Variants in DSCAM observed in about 807,000 individuals in gnomAD.
DSCAM encodes the protein DS cell adhesion molecule.
A neutral mutation model predicts 217.7 loss-of-function variants in DSCAM; 47 were observed. That is an observed-to-expected ratio of 0.22 (90% CI 0.17 to 0.28). The LOEUF is 0.28. Among genes scored for constraint, DSCAM ranks in the 10% least tolerant of loss-of-function variants. The probability of loss-of-function intolerance (pLI) is 1.00; values close to 1 mark genes in which losing one functional copy is unlikely to be tolerated. For synonymous variants in DSCAM, 1,056 were observed against 1,015.3 expected (o/e 1.04, Z -0.76); for missense variants, 2,080 against 2,618.3 (o/e 0.79, Z 4.49).
chr21:40,442,969 T>C (rs2075645102), intron 3 of DSCAM, among the ~76,000 whole-genome samples: 1 of 152,336 alleles, frequency 6.6e-6, no homozygotes, highest in African/African-American at 2.4e-5. Flanking sequence ...GCATACAAAA[T>C]AGCAGAGGAG....
At chr21:40,074,371 A>T (rs1447885005) in intron 27 of DSCAM, among the ~76,000 whole-genome samples, 3 of 152,236 alleles carry the variant, frequency 2.0e-5, no homozygotes, top group South Asian at 2.1e-4. Flanking sequence ...CATATTTGAA[A>T]TAACTCCCTG....
intron 10 of DSCAM, among the ~76,000 whole-genome samples, chr21:40,279,469 G>A (rs1346899098): frequency 2.0e-5 from 3 of 152,228 alleles, no homozygotes; most frequent in Non-Finnish European, 4.4e-5. Flanking sequence ...AAAAAGTCAG[G>A]AAACAACAGA....
intron 1 of DSCAM, among the ~76,000 whole-genome samples, chr21:40,732,636 CA>C (rs2091024449): frequency 6.6e-6 from 1 of 152,172 alleles, no homozygotes; most frequent in Non-Finnish European, 1.5e-5. Context: ...GCATGCTTTG[CA>C]AAATAAGTTA....
rs575891754 is a variant in DSCAM, at chr21:40,734,303, T to C, written c.44-25532A>G. Among the ~76,000 whole-genome samples the C allele has an allele frequency of 9.2e-5, 14 of 152,198 alleles. No homozygotes were observed. In the East Asian group the frequency reaches 2.3e-3, roughly 25 times the overall value. On this transcript the variant is annotated intron_variant, in intron 1 of 32. Coordinates refer to ENST00000400454, the MANE Select transcript of DSCAM (RefSeq NM_001389.5). ...CTACAAGAGGAGAGCAGGAGGAAGA[T>C]AAGAAAAGGGGCACGCTGCTTCCTC...
In DSCAM at chr21:40,075,069, C is replaced by T; in HGVS notation, c.4856G>A (p.Arg1619Lys). Residue 1619 changes from arginine (R) to lysine (K), a missense_variant, in exon 27 of 33, where the codon AGG becomes AAG. Physicochemically the swap from Arg to Lys is conservative, Grantham distance 26 (BLOSUM62 2). Transcript: ENST00000400454. ...LFVLLLVVRR[R>K]RREQRLKRLR... ...CCTCTTTAGCCTCTGCTCCCGCCGC[C>T]TCCTCCGCACAACCAGCAGGAGCAC... 6.2e-7 allele frequency: 1 copy of T among 1,614,202 alleles called. No homozygotes were observed. Among genetic ancestry groups the T allele is most frequent in the Non-Finnish European group, 8.5e-7 (1 of 1,180,036 alleles).
At chr21:40,561,170 C>T (rs1160441654) in intron 3 of DSCAM, among the ~76,000 whole-genome samples, 1 of 152,170 alleles carries the variant, frequency 6.6e-6, no homozygotes, top group Non-Finnish European at 1.5e-5. Context: ...AGGAGCCAGG[C>T]TTCATTTCCA....
intron 1 of DSCAM, among the ~76,000 whole-genome samples, chr21:40,795,346 T>C (rs976374541): frequency 6.9e-5 from 9 of 130,070 alleles, no homozygotes; most frequent in Non-Finnish European, 1.4e-4. Context: ...TTACATATAC[T>C]ACCCACAATT....
intron 3 of DSCAM, among the ~76,000 whole-genome samples, chr21:40,610,362 CA>C (rs2089296534): frequency 6.6e-6 from 1 of 152,136 alleles, no homozygotes; most frequent in African/African-American, 2.4e-5. Flanking sequence ...GCAAACTGAG[CA>C]AACTAGAGAA....
chr21:40,064,862 A>G (rs2089182712), intron 27 of DSCAM, among the ~76,000 whole-genome samples: 1 of 152,108 alleles, frequency 6.6e-6, no homozygotes, highest in African/African-American at 2.4e-5. Context: ...ACCTGGGCCA[A>G]AGGGAGAGAG....
intron 1 of DSCAM, among the ~76,000 whole-genome samples, chr21:40,768,732 G>C (rs960375753): frequency 6.6e-6 from 1 of 152,176 alleles, no homozygotes; most frequent in Non-Finnish European, 1.5e-5. Context: ...AGTGCTTCAA[G>C]GTAAAAGCAG....
intron 9 of DSCAM, among the ~76,000 whole-genome samples, chr21:40,310,211 A>G (rs2074122895): frequency 6.6e-6 from 1 of 152,224 alleles, no homozygotes; most frequent in Non-Finnish European, 1.5e-5. Context: ...TTTGGGAAAA[A>G]AGAACAATTC....
intron 3 of DSCAM, among the ~76,000 whole-genome samples, chr21:40,590,068 C>T (rs370832700): frequency 1.9e-4 from 29 of 152,238 alleles, no homozygotes; most frequent in African/African-American, 4.6e-4. Context: ...AGGCAGTTTC[C>T]GTCATTTTGT....
chr21:40,595,292 C>A (rs1406414233), intron 3 of DSCAM, among the ~76,000 whole-genome samples: 4 of 151,856 alleles, frequency 2.6e-5, no homozygotes, highest in Non-Finnish European at 5.9e-5. Context: ...GTGGGAGGAT[C>A]ACTTGCGCCC....
At chr21:40,359,546 A>G (rs11088513) in intron 4 of DSCAM, among the ~76,000 whole-genome samples, 3,157 of 152,348 alleles carry the variant, frequency 0.021, 105 homozygotes, top group African/African-American at 0.073. Flanking sequence ...AGGATTATTC[A>G]TAATCAAAAA....
At chr21:40,039,688 GGAAGTAT>G (rs2088707793) in intron 32 of DSCAM, among the ~76,000 whole-genome samples, 2 of 152,132 alleles carry the variant, frequency 1.3e-5, no homozygotes, top group Non-Finnish European at 2.9e-5. Flanking sequence ...ACCTTGAGAA[GGAAGTAT>G]GAAGATAACT....
intron 20 of DSCAM, among the ~76,000 whole-genome samples, chr21:40,113,718 A>T (rs1473675284): frequency 1.3e-5 from 2 of 152,224 alleles, no homozygotes; most frequent in African/African-American, 4.8e-5. Flanking sequence ...GCAAAGTCTC[A>T]GGATACAAAA....
At chr21:40,668,373 G>A (rs1403431046) in intron 3 of DSCAM, among the ~76,000 whole-genome samples, 1 of 152,216 alleles carries the variant, frequency 6.6e-6, no homozygotes, top group Non-Finnish European at 1.5e-5. Flanking sequence ...AGTGCTGGTA[G>A]AACATAAAAC....
Position 40,087,218 on chromosome 21 carries a change from C to T in DSCAM, c.3920G>A (p.Cys1307Tyr). The T allele has an allele frequency of 6.2e-7, 1 of 1,614,166 alleles. No homozygotes were observed. The highest frequency in any genetic ancestry group is 8.5e-7 in the Non-Finnish European group (1 of 1,180,012). The change falls in exon 22 of 33, where the codon TGT becomes TAT. Residue 1307 changes from cysteine to tyrosine, a missense_variant. This residue lies in a region of DSCAM where 1,144 missense variants were observed against 1,421.1 expected (regional missense o/e 0.81). Transcript: ENST00000400454. The part of the protein sequence containing the change: ...TPWMKDIVLP[C>Y]KAVGDPSPAV... ...AGGAGAAGGGTCCCCAACAGCCTTA[C>T]AAGGCAAGACAATGTCTTTCATCCA...
At chr21:40,367,210 C>T (rs2074842691) in intron 4 of DSCAM, among the ~76,000 whole-genome samples, 1 of 152,172 alleles carries the variant, frequency 6.6e-6, no homozygotes, top group East Asian at 1.9e-4. Context: ...AAGAATTCTC[C>T]TCTGCTTTTG....
Sources: allele counts gnomAD v4.1 joint callset (sites outside exome capture counted in the v4.1 genomes callset), GRCh38; gene constraint gnomAD v4.1.1; regional missense constraint gnomAD v4.1.1; transcripts MANE v1.5; gene names NCBI Gene and HGNC (gene_info 2026-07-23, HGNC 2026-07-21).